ENPP6: variants seen among roughly 807,000 people sequenced by gnomAD.
ENPP6 encodes glycerophosphocholine cholinephosphodiesterase ENPP6.
Under a neutral mutation model 42.0 loss-of-function variants are expected in ENPP6, and 32 were observed. The ratio of observed to expected loss-of-function variants is 0.76; its 90% CI spans 0.58 to 1.02. The LOEUF is 1.02. Ranked by LOEUF, ENPP6 falls within the 50% of genes least tolerant of loss-of-function variation. The pLI, the probability that ENPP6 is intolerant of heterozygous loss-of-function variation, is 0.00. For synonymous variants in ENPP6, 213 were observed against 216.0 expected (o/e 0.99, Z 0.12); for missense variants, 552 against 566.8 (o/e 0.97, Z 0.27).
intron 1 of ENPP6, among the ~76,000 whole-genome samples, chr4:184,176,713 C>CA (rs1305725789): frequency 2.3e-5 from 3 of 129,554 alleles, no homozygotes; most frequent in African/African-American, 7.7e-5. Flanking sequence ...ATGAAAGTGA[C>CA]ATAACAAGAA....
chr4:184,107,776 G>A (rs555341165), intron 6 of ENPP6, among the ~76,000 whole-genome samples: 278 of 152,158 alleles, frequency 1.8e-3, no homozygotes, highest in Non-Finnish European at 3.1e-3. Context: ...TTAGCCGGGC[G>A]TGGTGGCGGG....
intron 7 of ENPP6, 123 bp downstream of exon 7, chr4:184,097,122 T>A: frequency 6.9e-7 from 1 of 1,443,396 alleles, no homozygotes; most frequent in Non-Finnish European, 9.4e-7. Context: ...GGGTTTGCTC[T>A]GCTTGGCTCA....
intron 1 of ENPP6, among the ~76,000 whole-genome samples, chr4:184,194,007 C>T (rs772332783): frequency 9.9e-5 from 15 of 152,146 alleles, no homozygotes; most frequent in Non-Finnish European, 1.9e-4. Context: ...GCCTCTGTTG[C>T]CACGGTCCCT....
chr4:184,159,661 C>T (rs910477261), intron 1 of ENPP6, among the ~76,000 whole-genome samples: 4 of 151,666 alleles, frequency 2.6e-5, no homozygotes, highest in Non-Finnish European at 5.9e-5. Context: ...TTTTAAATAT[C>T]TTATTTCAAT....
intron 1 of ENPP6, among the ~76,000 whole-genome samples, chr4:184,205,876 A>G (rs899372300): frequency 3.9e-5 from 6 of 152,140 alleles, no homozygotes; most frequent in African/African-American, 1.2e-4. Flanking sequence ...AGGATGAAGG[A>G]GGAGTGAGTA....
At chr4:184,181,051 G>T (rs762796038) in intron 1 of ENPP6, among the ~76,000 whole-genome samples, 2 of 152,168 alleles carry the variant, frequency 1.3e-5, no homozygotes, top group African/African-American at 2.4e-5. Flanking sequence ...ATTCAAATAA[G>T]AAGAGAGGAA....
intron 1 of ENPP6, among the ~76,000 whole-genome samples, chr4:184,168,946 G>GT (rs1174365542): frequency 2.6e-5 from 4 of 151,884 alleles, no homozygotes; most frequent in African/African-American, 9.7e-5. Context: ...CCCTTGTTGT[G>GT]TTTCATTTTC....
chr4:184,170,525 G>A (rs1737444253), intron 1 of ENPP6, among the ~76,000 whole-genome samples: 1 of 151,514 alleles, frequency 6.6e-6, no homozygotes, highest in Admixed American at 6.6e-5. Context: ...AACTGATAAT[G>A]GTTCGCCTCC....
At chr4:184,147,069 C>T (rs1040623280) in intron 2 of ENPP6, among the ~76,000 whole-genome samples, 1 of 152,182 alleles carries the variant, frequency 6.6e-6, no homozygotes, top group African/African-American at 2.4e-5. Context: ...GTCCCAGAGC[C>T]AACTCCGAAT....
At chr4:184,096,302 A>G (rs1735900720) in intron 7 of ENPP6, among the ~76,000 whole-genome samples, 2 of 152,244 alleles carry the variant, frequency 1.3e-5, no homozygotes, top group Non-Finnish European at 2.9e-5. Context: ...TGTGTAACCT[A>G]TAATTTGAAA....
At chr4:184,131,026 G>A (rs1034652168) in intron 2 of ENPP6, among the ~76,000 whole-genome samples, 1 of 152,118 alleles carries the variant, frequency 6.6e-6, no homozygotes, top group African/African-American at 2.4e-5. Flanking sequence ...ATTTCTGTTA[G>A]GATACACGCA....
At position 184,217,777 on chromosome 4, in the gene ENPP6, C is replaced by G; in HGVS notation, c.43G>C (p.Gly15Arg). Residue 15 changes from glycine (G) to arginine (R), a missense_variant, in exon 1 of 8, where the codon GGC (glycine) becomes CGC (arginine). Gly to Arg is a moderately radical substitution (Grantham distance 125). Coordinates refer to ENST00000296741, the MANE Select transcript of ENPP6 (RefSeq NM_153343.4). ...LGTLLLALAL[G>R]LAQPASARRK... ...CGGGCAGAGGCTGGCTGGGCCAGGC[C>G]CAGGGCAAGGGCCAGCAGGAGGGTC... 5.0e-6 allele frequency: 8 copies of G among 1,613,936 alleles called. No individual in the cohort carries two copies. The highest frequency in any genetic ancestry group is 6.8e-6 in the Non-Finnish European group (8 of 1,180,028).
rs764691017 is a variant in ENPP6, at chr4:184,217,666, C to G, written c.154G>C (p.Glu52Gln). 1 of 1,614,236 alleles carries G rather than the reference C, an allele frequency of 6.2e-7. No homozygotes were observed. Among genetic ancestry groups the G allele is most frequent in the Admixed American group, 1.7e-5 (1 of 60,030 alleles). Residue 52 changes from glutamate (E) to glutamine (Q), a missense_variant, in exon 1 of 8, where the codon GAG (glutamate) becomes CAG (glutamine). Coordinates refer to ENST00000296741, the MANE Select transcript of ENPP6 (RefSeq NM_153343.4). Reference protein sequence around the residue: ...EALESLPGFKEIVSRGVKVDY... With the variant: ...EALESLPGFKQIVSRGVKVDY... Reference sequence around the variant, plus strand: ...ACTTTTACTCCCCTGCTCACAATCTCTTTGAAACCAGGCAATGACTCCAGC... The same window carrying G: ...ACTTTTACTCCCCTGCTCACAATCTGTTTGAAACCAGGCAATGACTCCAGC...
intron 2 of ENPP6, among the ~76,000 whole-genome samples, chr4:184,141,819 T>G (rs560776361): frequency 2.8e-4 from 43 of 152,316 alleles, no homozygotes; most frequent in South Asian, 6.2e-4. Flanking sequence ...AACATATAAC[T>G]TCCACCCATT....
intron 1 of ENPP6, among the ~76,000 whole-genome samples, chr4:184,183,329 C>T (rs966440993): frequency 2.0e-5 from 3 of 152,122 alleles, no homozygotes; most frequent in East Asian, 1.9e-4. Context: ...TCCTTTGCAC[C>T]GCTGATGGAG....
At chr4:184,160,046 C>T (rs1353481017) in intron 1 of ENPP6, among the ~76,000 whole-genome samples, 1 of 152,226 alleles carries the variant, frequency 6.6e-6, no homozygotes, top group African/African-American at 2.4e-5. Flanking sequence ...TTTATCCACT[C>T]ATTGACTGAT....
chr4:184,153,579 C>G lies in ENPP6; in HGVS notation c.396G>C (p.Arg132Ser), dbSNP rs554371820. The G allele has an allele frequency of 2.4e-5, 38 of 1,614,096 alleles. No individual in the cohort carries two copies. In the African/African-American group the frequency reaches 3.9e-4, roughly 16 times the overall value. ...CTGGCCAGTAGTACATGTAGACCTT[C>G]CTTTTGGCCTTGGTCAGAGTGACCC... ...PLWVTLTKAKRKVYMYYWPGC... is the reference protein window; with the variant it reads ...PLWVTLTKAKSKVYMYYWPGC... Residue 132 changes from arginine (R) to serine (S), a missense_variant, in exon 2 of 8, where the codon AGG (arginine) becomes AGC (serine). Arg to Ser is a moderately radical substitution (Grantham distance 110). Transcript: ENST00000296741.
At position 184,117,721 on chromosome 4, in the gene ENPP6, G is replaced by A. The variant is rs772954559; in HGVS notation, c.675+38C>T. Reference sequence around the variant, plus strand: ...TGGAGGAGACAAACAGAGGGTGACAGAGAGAAGGCCAGGCCACGTGTCTTT... The same window carrying A: ...TGGAGGAGACAAACAGAGGGTGACAAAGAGAAGGCCAGGCCACGTGTCTTT... On this transcript the variant is annotated intron_variant, in intron 4 of 7. Transcript: ENST00000296741. 1.4e-5 allele frequency: 22 copies of A among 1,606,930 alleles called. No homozygotes were observed. In the South Asian group the frequency reaches 2.3e-4, roughly 17 times the overall value.
chr4:184,176,655 A>G (rs1010119074), intron 1 of ENPP6, among the ~76,000 whole-genome samples: 4 of 152,244 alleles, frequency 2.6e-5, no homozygotes, highest in Non-Finnish European at 4.4e-5. Flanking sequence ...AGGCACTCTC[A>G]TGCTGGTGGG....
Sources: allele counts gnomAD v4.1 joint callset (sites outside exome capture counted in the v4.1 genomes callset), GRCh38; gene constraint gnomAD v4.1.1; transcripts MANE v1.5; gene names NCBI Gene and HGNC (gene_info 2026-07-23, HGNC 2026-07-21).